The following PLCL1 variants were observed in gnomAD, a reference collection of about 807,000 sequenced individuals.
PLCL1 encodes inactive phospholipase C-like protein 1.
In PLCL1, 41 loss-of-function variants were observed where a neutral mutation model predicts 84.4. The ratio of observed to expected loss-of-function variants is 0.49; its 90% CI spans 0.38 to 0.63. PLCL1 has a LOEUF of 0.63. Ranked by LOEUF, PLCL1 falls within the 30% of genes least tolerant of loss-of-function variation. PLCL1 has a pLI of 0.00. For missense variants in PLCL1, 1,206 were observed against 1,367.8 expected (o/e 0.88, Z 1.87); for synonymous variants, 490 against 488.3 (o/e 1.00, Z -0.05).
intron 1 of PLCL1, among the ~76,000 whole-genome samples, chr2:197,927,775 A>G (rs1688860510): frequency 6.6e-6 from 1 of 152,224 alleles, no homozygotes; most frequent in African/African-American, 2.4e-5. Context: ...ACTAAGATGA[A>G]ATAATTTGAG....
intron 1 of PLCL1, among the ~76,000 whole-genome samples, chr2:197,869,673 C>A (rs1203276015): frequency 6.6e-6 from 1 of 152,098 alleles, no homozygotes; most frequent in Non-Finnish European, 1.5e-5. Context: ...TTTGCTGAGC[C>A]ATCACTGGTG....
intron 1 of PLCL1, among the ~76,000 whole-genome samples, chr2:197,895,513 A>C (rs933069520): frequency 1.3e-5 from 2 of 151,952 alleles, no homozygotes; most frequent in African/African-American, 4.8e-5. Flanking sequence ...TGCTTTTGTG[A>C]TATTTATAAA....
chr2:198,032,728 A>G (rs762794955), intron 1 of PLCL1, among the ~76,000 whole-genome samples: 2 of 152,148 alleles, frequency 1.3e-5, no homozygotes, highest in African/African-American at 2.4e-5. Flanking sequence ...TTGAAATTTT[A>G]TTTATTCAGG....
chr2:197,940,526 A>T (rs940789659), intron 1 of PLCL1, among the ~76,000 whole-genome samples: 2 of 152,210 alleles, frequency 1.3e-5, no homozygotes, highest in African/African-American at 4.8e-5. Context: ...AAAGCCACTT[A>T]TCTGGCATTT....
At chr2:198,040,220 G>T (rs903197654) in intron 1 of PLCL1, among the ~76,000 whole-genome samples, 1 of 152,224 alleles carries the variant, frequency 6.6e-6, no homozygotes, top group East Asian at 1.9e-4. Context: ...GAAAATATAG[G>T]CAAACAGGAC....
In PLCL1 at chr2:197,836,446, C is replaced by CAAAAA. The variant is rs35510400; in HGVS notation, c.240+31134_240+31138dup. ...TGGGCGACAGAGCGAGACTCCGTCT[C>CAAAAA]AAAAAAAAAAAAAAAAAAAAAAAAA... On this transcript the variant is annotated intron_variant, in intron 1 of 5. Coordinates refer to ENST00000428675, the MANE Select transcript of PLCL1 (RefSeq NM_006226.4). 2.9e-3 allele frequency among the ~76,000 whole-genome samples: 100 copies of CAAAAA among 34,526 alleles called. 3 individuals carry two copies. Among genetic ancestry groups the CAAAAA allele is most frequent in the African/African-American group, 9.0e-3 (88 of 9,756 alleles). The allele number at this position is 34,526 out of a possible 152,430, so 22.7% of individuals were successfully genotyped here. A position where few individuals can be genotyped will look rare whatever the true frequency, so the allele number is the denominator to read the frequency against.
intron 1 of PLCL1, among the ~76,000 whole-genome samples, chr2:198,013,215 G>T (rs970981722): frequency 6.6e-6 from 1 of 151,980 alleles, no homozygotes; most frequent in African/African-American, 2.4e-5. Context: ...TTGGTCCATT[G>T]GTCATTTTTA....
rs77667599 is a variant in PLCL1, at chr2:197,947,347, T to C, written c.241-136411T>C. ...CTAGCAGGACTTATTAAAACACAGA[T>C]TGTTTGGCCCTGTCCCCAGAGTTTC... On this transcript the variant is annotated intron_variant, in intron 1 of 5. Transcript: ENST00000428675. Among the ~76,000 whole-genome samples the C allele has an allele frequency of 8.3e-3, 1,253 of 151,598 alleles. 18 individuals are homozygous for C. The highest frequency in any genetic ancestry group is 0.029 in the African/African-American group (1,181 of 41,294).
intron 1 of PLCL1, among the ~76,000 whole-genome samples, chr2:197,892,495 A>G (rs1308541330): frequency 1.3e-5 from 2 of 152,198 alleles, no homozygotes; most frequent in Non-Finnish European, 2.9e-5. Context: ...GCTACTTATC[A>G]TAGTGTTTAT....
chr2:197,876,766 G>A (rs1687741036), intron 1 of PLCL1, among the ~76,000 whole-genome samples: 1 of 152,086 alleles, frequency 6.6e-6, no homozygotes, highest in Non-Finnish European at 1.5e-5. Context: ...TTTTATTTCA[G>A]CTGAATTCTA....
chr2:197,902,358 G>A (rs1688284359), intron 1 of PLCL1, among the ~76,000 whole-genome samples: 1 of 152,102 alleles, frequency 6.6e-6, no homozygotes, highest in African/African-American at 2.4e-5. Context: ...GTGGTTTCCG[G>A]TCATTCATGC....
At chr2:198,113,081 G>C (rs975897145) in intron 5 of PLCL1, among the ~76,000 whole-genome samples, 1 of 151,874 alleles carries the variant, frequency 6.6e-6, no homozygotes, top group Non-Finnish European at 1.5e-5. Flanking sequence ...TATAAACTAA[G>C]TTTGATATAT....
chr2:197,807,796 T>C (rs1400636544), intron 1 of PLCL1, among the ~76,000 whole-genome samples: 1 of 152,222 alleles, frequency 6.6e-6, no homozygotes, highest in Non-Finnish European at 1.5e-5. Context: ...GCAGTAATAA[T>C]TGATATTCAT....
chr2:198,003,701 A>G (rs536415435), intron 1 of PLCL1, among the ~76,000 whole-genome samples: 1 of 152,340 alleles, frequency 6.6e-6, no homozygotes, highest in South Asian at 2.1e-4. Context: ...AGTGGTTTGC[A>G]GAAGAATATA....
chr2:197,883,655 A>G lies in PLCL1; in HGVS notation c.240+78316A>G, dbSNP rs138602303. Among the ~76,000 whole-genome samples, 679 of 152,332 alleles carry G rather than the reference A, an allele frequency of 4.5e-3. 3 individuals are homozygous for G. Among genetic ancestry groups the G allele is most frequent in the Middle Eastern group, 0.01 (3 of 294 alleles). On this transcript the variant is annotated intron_variant, in intron 1 of 5. Transcript: ENST00000428675. ...TTTAGTTGCAAGAGCAACTATACAT[A>G]TAAGTAGTATTTTAATACAATGGAA... is the stretch of plus-strand genomic sequence containing the variant.
At position 197,805,317 on chromosome 2, in the gene PLCL1, C is replaced by T; in HGVS notation, c.218C>T (p.Pro73Leu). The T allele has an allele frequency of 7.6e-7, 1 of 1,310,060 alleles. No individual in the cohort carries two copies. The highest frequency in any genetic ancestry group is 9.7e-7 in the Non-Finnish European group (1 of 1,034,014). 81.2% of individuals were successfully genotyped at this position (1,310,060 alleles called of 1,614,324 possible). A position where few individuals can be genotyped will look rare whatever the true frequency, so the allele number is the denominator to read the frequency against. Residue 73 changes from proline (P) to leucine (L), a missense_variant, in exon 1 of 6, where the codon CCC becomes CTC. By Grantham distance (98) the Pro-to-Leu change is moderately conservative. Transcript: ENST00000428675. This position sits in a 1 kb window ranked among gnomAD's most constrained non-coding sequence, Gnocchi z 4.0. ...CTCCTGGAGGCAGCACGGGCGACCC[C>T]CCGGCGCAGCAGCATCATCAAGGTA... Reference protein sequence around the residue: ...AGLLEAARATPRRSSIIKDPS... With the variant: ...AGLLEAARATLRRSSIIKDPS...
intron 1 of PLCL1, among the ~76,000 whole-genome samples, chr2:197,824,924 G>A (rs1182891541): frequency 1.3e-5 from 2 of 152,084 alleles, no homozygotes; most frequent in South Asian, 2.1e-4. Context: ...TAAAATTAAG[G>A]AAAGGGGTGA....
intron 1 of PLCL1, among the ~76,000 whole-genome samples, chr2:197,845,779 C>T (rs1045965397): frequency 6.6e-6 from 1 of 152,006 alleles, no homozygotes; most frequent in African/African-American, 2.4e-5. Context: ...AAAGGATTCC[C>T]CCCAAATGTA....
chr2:198,128,233 G>A (rs974267856), intron 5 of PLCL1, among the ~76,000 whole-genome samples: 4 of 152,104 alleles, frequency 2.6e-5, no homozygotes, highest in African/African-American at 9.7e-5. Context: ...GCTAGTTCAG[G>A]CCATGATGGG....
Sources: gnomAD v4.1 joint callset for allele counts (sites outside exome capture counted in the v4.1 genomes callset) on GRCh38, gnomAD v4.1.1 for gene constraint, Gnocchi (gnomAD v3.1) non-coding constraint, MANE v1.5 for transcripts, NCBI Gene and HGNC (gene_info 2026-07-23, HGNC 2026-07-21) for gene names.